LRMDA: variants seen among roughly 807,000 people sequenced by gnomAD.
LRMDA encodes the protein leucine-rich melanocyte differentiation-associated protein.
LRMDA carries 18 observed loss-of-function variants against 29.8 expected under a neutral mutation model. The ratio of observed to expected loss-of-function variants is 0.60; its 90% CI spans 0.42 to 0.90. LRMDA has a LOEUF of 0.90. LRMDA is among the 40% of genes least tolerant of loss of function. The pLI is 0.00. For missense variants in LRMDA, 273 were observed against 273.9 expected, an observed-to-expected ratio of 1.00 and a Z score of 0.02; for synonymous variants, 125 against 109.4, an observed-to-expected ratio of 1.14 and a Z score of -0.89.
At chr10:76,288,318 A>G (rs1469382562) in intron 5 of LRMDA, among the ~76,000 whole-genome samples, 2 of 152,186 alleles carry the variant, frequency 1.3e-5, no homozygotes, top group Non-Finnish European at 2.9e-5. Context: ...TCATTCTACT[A>G]TAAAAGACAC....
At position 75,755,464 on chromosome 10, in the gene LRMDA, A is replaced by G. The variant is rs544965006; in HGVS notation, c.132-280544A>G. ...CAGTGAACAAGAAAGACATTACTCT[A>G]ACGGCAACATGCATTCTAATGAGGA... On this transcript the variant is annotated intron_variant, in intron 2 of 6. Coordinates refer to ENST00000611255, the MANE Select transcript of LRMDA (RefSeq NM_001305581.2). Among the ~76,000 whole-genome samples the G allele has an allele frequency of 9.3e-4, 141 of 152,354 alleles. No individual in the cohort carries two copies. In the South Asian group the frequency reaches 0.015, roughly 16 times the overall value.
intron 2 of LRMDA, among the ~76,000 whole-genome samples, chr10:75,500,817 C>T (rs1385993158): frequency 1.3e-5 from 2 of 152,136 alleles, no homozygotes; most frequent in East Asian, 1.9e-4. Context: ...GGGAAAGCCA[C>T]CCCTATGATC....
At position 76,357,628 on chromosome 10, in the gene LRMDA, G is replaced by C. The variant is rs76007703; in HGVS notation, c.601+33143G>C. ...GCACAGACAGCAGGGAAGCATGGTG[G>C]CTCACAGAGTGAACTAGCTGCAGAG... is the stretch of plus-strand genomic sequence containing the variant. On this transcript the variant is annotated intron_variant, in intron 6 of 6. Coordinates refer to ENST00000611255, the MANE Select transcript of LRMDA (RefSeq NM_001305581.2). Among the ~76,000 whole-genome samples, 929 of 152,248 alleles carry C rather than the reference G, an allele frequency of 6.1e-3. 22 individuals carry two copies. Among genetic ancestry groups the C allele is most frequent in the South Asian group, 0.052 (252 of 4,814 alleles).
intron 2 of LRMDA, among the ~76,000 whole-genome samples, chr10:75,539,196 C>CAAATTATTT (rs1173987435): frequency 6.6e-6 from 1 of 152,142 alleles, no homozygotes; most frequent in Non-Finnish European, 1.5e-5. Flanking sequence ...TGGTGTCAGT[C>CAAATTATTT]AAATTATTTT....
At chr10:75,791,888 C>T (rs1280396412) in intron 2 of LRMDA, among the ~76,000 whole-genome samples, 1 of 119,808 alleles carries the variant, frequency 8.3e-6, no homozygotes, top group Non-Finnish European at 1.6e-5. Flanking sequence ...GAGATGGAGT[C>T]TCACTCTGTT....
At chr10:75,679,860 T>A (rs1212598190) in intron 2 of LRMDA, among the ~76,000 whole-genome samples, 1 of 152,290 alleles carries the variant, frequency 6.6e-6, no homozygotes, top group East Asian at 1.9e-4. Context: ...TGGAGCTCTG[T>A]TGCGTGTTGT....
In LRMDA at chr10:75,641,412, A is replaced by ATG. The variant is rs1161280297; in HGVS notation, c.131+202919_131+202920insGT. Reference sequence around the variant, plus strand: ...ATATGTGGATATGTTAATATATAATATATATATATACAGATATTATTGAAG... The same window carrying ATG: ...ATATGTGGATATGTTAATATATAATATGTATATATATACAGATATTATTGAAG... On this transcript the variant is annotated intron_variant, in intron 2 of 6. Coordinates refer to ENST00000611255, the MANE Select transcript of LRMDA (RefSeq NM_001305581.2). 4.0e-5 allele frequency among the ~76,000 whole-genome samples: 6 copies of ATG among 150,236 alleles called. No homozygotes were observed. In the East Asian group the frequency reaches 1.2e-3, roughly 29 times the overall value.
chr10:76,350,304 T>C (rs1489856121), intron 6 of LRMDA, among the ~76,000 whole-genome samples: 1 of 152,232 alleles, frequency 6.6e-6, no homozygotes, highest in East Asian at 1.9e-4. Context: ...TATTTGTTCC[T>C]TAACATCAAG....
At chr10:75,939,323 G>A (rs1846349378) in intron 2 of LRMDA, among the ~76,000 whole-genome samples, 1 of 152,128 alleles carries the variant, frequency 6.6e-6, no homozygotes, top group South Asian at 2.1e-4. Flanking sequence ...CATATTTGGG[G>A]ACACATACCC....
intron 2 of LRMDA, among the ~76,000 whole-genome samples, chr10:75,527,196 A>G (rs545065122): frequency 2.0e-5 from 3 of 152,336 alleles, no homozygotes; most frequent in South Asian, 2.1e-4. Flanking sequence ...ATGTTGTAGC[A>G]TATGCCAATA....
intron 6 of LRMDA, among the ~76,000 whole-genome samples, chr10:76,478,652 G>A (rs1005324817): frequency 3.3e-5 from 5 of 152,040 alleles, no homozygotes; most frequent in Non-Finnish European, 5.9e-5. Context: ...CAACCCAAAT[G>A]TCCAACAATG....
chr10:75,521,081 G>A lies in LRMDA; in HGVS notation c.131+82587G>A, dbSNP rs1047910416. 1.2e-4 allele frequency among the ~76,000 whole-genome samples: 18 copies of A among 152,292 alleles called. No homozygotes were observed. In the East Asian group the frequency reaches 2.9e-3, roughly 25 times the overall value. ...GCCTGATCCTTCCTCTGGAAGCTTC[G>A]TCCCAGAGGGGCATCCACCTATATG... On this transcript the variant is annotated intron_variant, in intron 2 of 6. Transcript: ENST00000611255.
rs764144535 is a variant in LRMDA, at chr10:76,142,835, TC to T, written c.516+84058del. 3.6e-3 allele frequency among the ~76,000 whole-genome samples: 552 copies of T among 151,516 alleles called. 6 individuals are homozygous for T. Among genetic ancestry groups the T allele is most frequent in the Non-Finnish European group, 6.2e-3 (421 of 67,992 alleles). ...TAGGTATATCTCCTAATGCTATCCT[TC>T]CCCCCTCCCCCTACCCAACAACAGT... On this transcript the variant is annotated intron_variant, in intron 5 of 6. Transcript: ENST00000611255.
chr10:76,308,712 T>A (rs1436273405), intron 5 of LRMDA, among the ~76,000 whole-genome samples: 2 of 152,062 alleles, frequency 1.3e-5, no homozygotes, highest in African/African-American at 4.8e-5. Flanking sequence ...CACATTTTCT[T>A]CTCCTCAAAA....
intron 2 of LRMDA, among the ~76,000 whole-genome samples, chr10:75,944,610 T>G (rs1846447321): frequency 6.6e-6 from 1 of 151,672 alleles, no homozygotes. Context: ...TAAAATCCTT[T>G]TTTTCTGTAT....
At chr10:76,220,694 A>G (rs2132257258) in intron 5 of LRMDA, among the ~76,000 whole-genome samples, 1 of 152,316 alleles carries the variant, frequency 6.6e-6, no homozygotes, top group African/African-American at 2.4e-5. Context: ...CCAGAGGTAC[A>G]AGGAGGAACT....
At chr10:75,602,155 C>T (rs1222440290) in intron 2 of LRMDA, among the ~76,000 whole-genome samples, 1 of 151,914 alleles carries the variant, frequency 6.6e-6, no homozygotes, top group East Asian at 1.9e-4. Context: ...TATAAAAATG[C>T]AGCCAGTGAG....
chr10:75,706,545 T>C (rs1209828628), intron 2 of LRMDA, among the ~76,000 whole-genome samples: 1 of 152,220 alleles, frequency 6.6e-6, no homozygotes, highest in Non-Finnish European at 1.5e-5. Flanking sequence ...ATGTGGATGA[T>C]ACTATTCACT....
At chr10:76,029,723 T>C (rs1848118349) in intron 2 of LRMDA, among the ~76,000 whole-genome samples, 1 of 152,218 alleles carries the variant, frequency 6.6e-6, no homozygotes, top group Admixed American at 6.5e-5. Flanking sequence ...TGCAGGGGGC[T>C]TCAGACCTAG....
Sources: gnomAD v4.1 joint callset for allele counts (sites outside exome capture counted in the v4.1 genomes callset) on GRCh38, gnomAD v4.1.1 for gene constraint, MANE v1.5 for transcripts, NCBI Gene and HGNC (gene_info 2026-07-23, HGNC 2026-07-21) for gene names.